Variants in GTF2IRD2B observed in about 807,000 individuals in gnomAD.
The protein encoded by GTF2IRD2B is general transcription factor II-I repeat domain-containing protein 2B.
In GTF2IRD2B, 10 loss-of-function variants were observed where a neutral mutation model predicts 55.6. The ratio of observed to expected loss-of-function variants is 0.18; its 90% CI spans 0.11 to 0.31. The LOEUF (loss-of-function observed/expected upper bound fraction) is 0.31. GTF2IRD2B is among the 10% of genes least tolerant of loss of function. The pLI is 1.00. For missense variants in GTF2IRD2B, 206 were observed against 802.7 expected (o/e 0.26, Z 8.98); for synonymous variants, 107 against 320.5 (o/e 0.33, Z 7.12).
intron 1 of GTF2IRD2B, among the ~76,000 whole-genome samples, chr7:75,104,987 C>T (rs1184682063): frequency 6.6e-6 from 1 of 152,296 alleles, no homozygotes; most frequent in Non-Finnish European, 1.5e-5. Context: ...CGCTTGAGCC[C>T]AGGAGTTGGA....
At chr7:75,137,717 G>A (rs1238057943) in intron 11 of GTF2IRD2B, among the ~76,000 whole-genome samples, 1 of 150,844 alleles carries the variant, frequency 6.6e-6, no homozygotes, top group Non-Finnish European at 1.5e-5. Flanking sequence ...CTGAGCCCAG[G>A]GAAGTCGAGG....
chr7:75,102,071 C>T (rs1554421947), intron 1 of GTF2IRD2B, among the ~76,000 whole-genome samples: 1 of 150,872 alleles, frequency 6.6e-6, no homozygotes, highest in Non-Finnish European at 1.5e-5. Context: ...GGTGGGATCT[C>T]GGCTCACTGC....
intron 1 of GTF2IRD2B, among the ~76,000 whole-genome samples, chr7:75,103,373 T>G (rs1807645375): frequency 6.6e-6 from 1 of 151,430 alleles, no homozygotes; most frequent in South Asian, 2.1e-4. Context: ...TCTCCTGGCA[T>G]GTGGTCCCGT....
intron 1 of GTF2IRD2B, among the ~76,000 whole-genome samples, chr7:75,102,747 C>T (rs1584522669): frequency 2.0e-5 from 3 of 151,584 alleles, no homozygotes; most frequent in Non-Finnish European, 2.9e-5. Context: ...CACTTGAGGT[C>T]GGGAGTTCGA....
At position 75,148,334 on chromosome 7, in the gene GTF2IRD2B, C is replaced by T; in HGVS notation, c.1887C>T (p.Asn629=). 3 of 1,613,434 alleles carry T rather than the reference C, an allele frequency of 1.9e-6. No individual in the cohort carries two copies. The highest frequency in any genetic ancestry group is 1.1e-5 in the South Asian group (1 of 91,048). Residue 629 remains asparagine, a synonymous_variant, in exon 16 of 16, where the codon AAC becomes AAT. Transcript: ENST00000472837. ...CCCCAGCGATGGTGGATGCCAATAA[C>T]GGGCTTGTCACAAAACTGAAGTCCA... is the stretch of plus-strand genomic sequence containing the variant. ...TGTPAMVDAN[N]GLVTKLKSRV... is the part of the protein sequence containing the mutation.
intron 1 of GTF2IRD2B, among the ~76,000 whole-genome samples, chr7:75,105,884 G>A (rs1394088887): frequency 2.0e-4 from 30 of 152,300 alleles, no homozygotes; most frequent in Non-Finnish European, 4.0e-4. Flanking sequence ...TCTGCGATCT[G>A]GAACCCAGGC....
At chr7:75,106,271 C>T (rs587607221) in intron 1 of GTF2IRD2B, among the ~76,000 whole-genome samples, 155 of 152,318 alleles carry the variant, frequency 1.0e-3, no homozygotes, top group African/African-American at 3.5e-3. Context: ...AGCATGGTGG[C>T]GCCTGCCTGT....
At chr7:75,139,583 G>A (rs1808955693) in intron 12 of GTF2IRD2B, among the ~76,000 whole-genome samples, 1 of 121,230 alleles carries the variant, frequency 8.2e-6, no homozygotes, top group African/African-American at 3.9e-5. Context: ...GCAGTGAGCG[G>A]AGATCACACC....
At position 75,149,483 on chromosome 7, in the gene GTF2IRD2B, C is replaced by T. The variant is rs1554454759; in HGVS notation, c.*186C>T. ...GCAACTTCCAGCTCCTGGGTTCGAA[C>T]GATTCTCCTGCCTCAGCCTCCCGAG... On this transcript the variant is annotated 3_prime_UTR_variant, in exon 16 of 16. Coordinates refer to ENST00000472837, the MANE Select transcript of GTF2IRD2B (RefSeq NM_001003795.3). 9 of 583,144 alleles carry T rather than the reference C, an allele frequency of 1.5e-5. No individual in the cohort carries two copies. In the East Asian group the frequency reaches 2.0e-4, roughly 13 times the overall value. 36.1% of individuals were successfully genotyped at this position (583,144 alleles called of 1,614,324 possible).
At chr7:75,105,870 G>A (rs1554450160) in intron 1 of GTF2IRD2B, among the ~76,000 whole-genome samples, 44 of 152,382 alleles carry the variant, frequency 2.9e-4, no homozygotes, top group Admixed American at 2.2e-3. Context: ...TCTGTTTCAC[G>A]TTGTCTGCGA....
chr7:75,119,191 CA>C (rs71229657), intron 3 of GTF2IRD2B, among the ~76,000 whole-genome samples: 40 of 5,108 alleles, frequency 7.8e-3, no homozygotes, highest in Middle Eastern at 0.12. Context: ...AAGACTCTCT[CA>C]AAAAAAAAAA....
intron 4 of GTF2IRD2B, among the ~76,000 whole-genome samples, 182 bp from the exon 5 acceptor site, chr7:75,122,954 G>A (rs1808428016): frequency 6.7e-6 from 1 of 150,256 alleles, no homozygotes; most frequent in Admixed American, 6.6e-5. Context: ...GGAGGCTGAG[G>A]CAGGAGAATT....
intron 8 of GTF2IRD2B, among the ~76,000 whole-genome samples, chr7:75,132,548 C>CTTCTTT (rs1563098175): frequency 4.7e-5 from 4 of 85,362 alleles, no homozygotes; most frequent in Admixed American, 1.5e-4. Flanking sequence ...CTCCTTCCTT[C>CTTCTTT]TTTTTTTTTT....
intron 1 of GTF2IRD2B, among the ~76,000 whole-genome samples, chr7:75,105,459 G>A (rs1234772200): frequency 4.9e-4 from 75 of 152,374 alleles, no homozygotes; most frequent in African/African-American, 1.4e-3. Context: ...AGCTGAGATC[G>A]TGCCACTGCA....
At chr7:75,102,142 A>G (rs1554449601) in intron 1 of GTF2IRD2B, among the ~76,000 whole-genome samples, 1 of 150,814 alleles carries the variant, frequency 6.6e-6, no homozygotes, top group East Asian at 2.0e-4. Context: ...AGCTGGGACT[A>G]CAGGCGTGCG....
chr7:75,101,450 A>C (rs1228673005), intron 1 of GTF2IRD2B, among the ~76,000 whole-genome samples: 2 of 151,072 alleles, frequency 1.3e-5, no homozygotes, highest in African/African-American at 2.4e-5. Flanking sequence ...CTGTCATCTT[A>C]GCTACTCTGG....
At chr7:75,103,225 G>A (rs1322895140) in intron 1 of GTF2IRD2B, among the ~76,000 whole-genome samples, 1 of 152,002 alleles carries the variant, frequency 6.6e-6, no homozygotes. Context: ...GTTGCAGTGA[G>A]CCGAGATCGC....
At chr7:75,136,607 ACT>A (rs1362791610) in intron 10 of GTF2IRD2B, among the ~76,000 whole-genome samples, 176 bp from the exon 11 acceptor site, 5 of 114,946 alleles carry the variant, frequency 4.3e-5, no homozygotes, top group Non-Finnish European at 8.6e-5. Context: ...CGGCCCAGTT[ACT>A]GTTTATTATC....
intron 3 of GTF2IRD2B, among the ~76,000 whole-genome samples, chr7:75,119,128 A>G (rs1470050634): frequency 8.3e-6 from 1 of 120,972 alleles, no homozygotes; most frequent in African/African-American, 3.2e-5. Flanking sequence ...CGGGAGGCAG[A>G]GGTTGCAGTG....
Sources: gnomAD v4.1 joint callset for allele counts (sites outside exome capture counted in the v4.1 genomes callset) on GRCh38, gnomAD v4.1.1 for gene constraint, MANE v1.5 for transcripts, NCBI Gene and HGNC (gene_info 2026-07-23, HGNC 2026-07-21) for gene names.